The following KMO variants were observed in gnomAD, a reference collection of about 807,000 sequenced individuals.
KMO encodes kynurenine 3-hydroxylase.
KMO carries 24 observed loss-of-function variants against 57.8 expected under a neutral mutation model. That is an observed-to-expected ratio of 0.42 (90% CI 0.30 to 0.58). The LOEUF is 0.58. Among genes scored for constraint, KMO ranks in the 20% least tolerant of loss-of-function variants. The pLI is 0.22. For synonymous variants in KMO, 210 were observed against 193.6 expected (o/e 1.08, Z -0.70); for missense variants, 483 against 588.2 (o/e 0.82, Z 1.85).
chr1:241,545,287 T>C (rs1327823286), intron 1 of KMO, among the ~76,000 whole-genome samples: 1 of 152,220 alleles, frequency 6.6e-6, no homozygotes, highest in Non-Finnish European at 1.5e-5. Context: ...ATGTAAATTT[T>C]CTGTTGTTGT....
chr1:241,584,367 G>A (rs900362289), intron 10 of KMO, among the ~76,000 whole-genome samples: 1 of 152,236 alleles, frequency 6.6e-6, no homozygotes, highest in Non-Finnish European at 1.5e-5. Flanking sequence ...TGGAGAAGAT[G>A]TGGAGAAATA....
At chr1:241,569,456 T>C (rs1369307480) in intron 10 of KMO, among the ~76,000 whole-genome samples, 1 of 152,154 alleles carries the variant, frequency 6.6e-6, no homozygotes, top group Non-Finnish European at 1.5e-5. Flanking sequence ...CGTCTTCTGG[T>C]TCCATCCATG....
chr1:241,567,417 T>G (rs1662125029), intron 9 of KMO, among the ~76,000 whole-genome samples: 1 of 152,162 alleles, frequency 6.6e-6, no homozygotes, highest in Non-Finnish European at 1.5e-5. Context: ...GTCCCTTTTA[T>G]AAAAGCACTA....
chr1:241,541,922 A>T (rs1660972390), intron 1 of KMO, among the ~76,000 whole-genome samples: 1 of 152,182 alleles, frequency 6.6e-6, no homozygotes. Flanking sequence ...AACATTCATG[A>T]TTCTTAAGGA....
chr1:241,587,664 G>T (rs1198927398), intron 11 of KMO, among the ~76,000 whole-genome samples: 1 of 151,832 alleles, frequency 6.6e-6, no homozygotes, highest in African/African-American at 2.4e-5. Flanking sequence ...GGCTGGTCTC[G>T]AACTCCTGAC....
At chr1:241,532,820 G>T in intron 1 of KMO, among the ~76,000 whole-genome samples, 1 of 152,140 alleles carries the variant, frequency 6.6e-6, no homozygotes, top group Non-Finnish European at 1.5e-5. Context: ...CCCCAAATTG[G>T]CTATGTTTTT....
Position 241,594,465 on chromosome 1 carries a change from C to A in KMO, c.*2312C>A. On this transcript the variant is annotated 3_prime_UTR_variant, in exon 15 of 15. Coordinates refer to ENST00000366559, the MANE Select transcript of KMO (RefSeq NM_003679.5). ...AACTTGGATTACATCAACTTTGGAC[C>A]CATTGGTTTTGTCGCTGTCGTCAAC... 6.2e-7 allele frequency: 1 copy of A among 1,614,030 alleles called. No individual in the cohort carries two copies. The highest frequency in any genetic ancestry group is 8.5e-7 in the Non-Finnish European group (1 of 1,179,968).
At chr1:241,555,554 A>T in intron 4 of KMO, 58 bp from the exon 5 acceptor site, 1 of 928,584 alleles carries the variant, frequency 1.1e-6, no homozygotes, top group Non-Finnish European at 1.7e-6. Context: ...TGAATAACTT[A>T]GAATTATATT....
At chr1:241,538,771 G>A (rs555557932) in intron 1 of KMO, among the ~76,000 whole-genome samples, 30 of 152,274 alleles carry the variant, frequency 2.0e-4, no homozygotes, top group Admixed American at 1.6e-3. Flanking sequence ...TCACCTCAGG[G>A]AATTCATCCC....
In KMO at chr1:241,555,673, T is replaced by A. The variant is rs779947263; in HGVS notation, c.361+13T>A. 5.3e-6 allele frequency: 8 copies of A among 1,506,180 alleles called. No homozygotes were observed. The highest frequency in any genetic ancestry group is 7.4e-6 in the Non-Finnish European group (8 of 1,084,146). 93.3% of individuals were successfully genotyped at this position (1,506,180 alleles called of 1,614,324 possible). ...GATCTATTGACTGGTAAGTCTAATGTTTGATTCATCAGTTGTCATTTTGAG... is the reference window on the plus strand; with the variant it reads ...GATCTATTGACTGGTAAGTCTAATGATTGATTCATCAGTTGTCATTTTGAG... On this transcript the variant is annotated intron_variant, in intron 5 of 14. Coordinates refer to ENST00000366559, the MANE Select transcript of KMO (RefSeq NM_003679.5).
intron 1 of KMO, chr1:241,536,529 C>T: frequency 3.0e-6 from 3 of 985,594 alleles, no homozygotes; most frequent in Non-Finnish European, 3.6e-6. Flanking sequence ...TAAAGCTACT[C>T]AAGACACCAT....
rs747634066 is a variant in KMO at position 241,566,630 on chromosome 1, C to T, written c.809+18C>T. 7 of 1,612,526 alleles carry T rather than the reference C, an allele frequency of 4.3e-6. No individual in the cohort carries two copies. Among genetic ancestry groups the T allele is most frequent in the African/African-American group, 4.0e-5 (3 of 74,862 alleles). On this transcript the variant is annotated intron_variant, in intron 9 of 14. Coordinates refer to ENST00000366559, the MANE Select transcript of KMO (RefSeq NM_003679.5). ...ATTGGAGAGTAAGTTGCAAGATGTG[C>T]CTTTTGCTCCATTTGTTTTAATTAT...
At chr1:241,540,410 T>C (rs1011397575) in intron 1 of KMO, among the ~76,000 whole-genome samples, 3 of 152,068 alleles carry the variant, frequency 2.0e-5, no homozygotes, top group African/African-American at 7.2e-5. Context: ...ACAAGTCTTT[T>C]GGAGGAGTAG....
At chr1:241,542,790 C>T (rs1005868500) in intron 1 of KMO, among the ~76,000 whole-genome samples, 1 of 152,214 alleles carries the variant, frequency 6.6e-6, no homozygotes, top group Non-Finnish European at 1.5e-5. Context: ...TTACACACCA[C>T]ATTTTCTTTC....
intron 1 of KMO, among the ~76,000 whole-genome samples, chr1:241,546,455 T>A (rs1661153200): frequency 6.6e-6 from 1 of 152,110 alleles, no homozygotes; most frequent in Non-Finnish European, 1.5e-5. Flanking sequence ...GGAAAATAAA[T>A]TGGAAAGAGG....
At chr1:241,579,267 G>A (rs978770842) in intron 10 of KMO, among the ~76,000 whole-genome samples, 6 of 152,090 alleles carry the variant, frequency 3.9e-5, no homozygotes, top group Non-Finnish European at 7.4e-5. Context: ...ATTTCTGCTT[G>A]CCTTATGTTA....
chr1:241,542,781 T>C (rs1661004072), intron 1 of KMO, among the ~76,000 whole-genome samples: 1 of 152,250 alleles, frequency 6.6e-6, no homozygotes, highest in Non-Finnish European at 1.5e-5. Flanking sequence ...TAGCATGCTT[T>C]ACACACCACA....
intron 1 of KMO, among the ~76,000 whole-genome samples, chr1:241,543,239 C>T (rs562153061): frequency 1.3e-5 from 2 of 152,236 alleles, no homozygotes; most frequent in South Asian, 4.1e-4. Flanking sequence ...TATGCCAAGT[C>T]TTATTTGTCA....
chr1:241,538,471 C>A (rs1482502687), intron 1 of KMO, among the ~76,000 whole-genome samples: 2 of 152,128 alleles, frequency 1.3e-5, no homozygotes, highest in African/African-American at 4.8e-5. Context: ...GACATACATG[C>A]CAGAGACGTT....
Sources: gnomAD v4.1 joint callset for allele counts (sites outside exome capture counted in the v4.1 genomes callset) on GRCh38, gnomAD v4.1.1 for gene constraint, MANE v1.5 for transcripts, NCBI Gene and HGNC (gene_info 2026-07-23, HGNC 2026-07-21) for gene names.